Variants in NRG1 observed in about 807,000 individuals in gnomAD.
NRG1 encodes the protein neuregulin 1.
Under a neutral mutation model 63.8 loss-of-function variants are expected in NRG1, and 18 were observed. The observed-to-expected ratio is 0.28, with a 90% confidence interval of 0.19 to 0.42. The LOEUF (loss-of-function observed/expected upper bound fraction) is 0.42, where lower values mean the gene tolerates loss of function less well. Ranked by LOEUF, NRG1 falls within the 10% of genes least tolerant of loss-of-function variation. The pLI is 1.00. For missense variants in NRG1, 762 were observed against 814.7 expected, an observed-to-expected ratio of 0.94 and a Z score of 0.79; for synonymous variants, 302 against 301.3, an observed-to-expected ratio of 1.00 and a Z score of -0.02.
chr8:32,318,592 T>A (rs1801029736), intron 1 of NRG1, among the ~76,000 whole-genome samples: 1 of 152,212 alleles, frequency 6.6e-6, no homozygotes, highest in Non-Finnish European at 1.5e-5. Flanking sequence ...CTGCTTTGAG[T>A]TACAGCATTT....
At chr8:32,671,785 T>C (rs1805696794) in intron 5 of NRG1, among the ~76,000 whole-genome samples, 2 of 152,216 alleles carry the variant, frequency 1.3e-5, no homozygotes, top group Admixed American at 1.3e-4. Context: ...TGTGCTTTCA[T>C]TTAAACAACA....
At chr8:31,819,564 C>T (rs1178183610) in intron 1 of NRG1, among the ~76,000 whole-genome samples, 1 of 152,114 alleles carries the variant, frequency 6.6e-6, no homozygotes, top group Non-Finnish European at 1.5e-5. Context: ...TTCATATTTT[C>T]AACCCCCTAC....
At chr8:32,101,430 G>C (rs999031468) in intron 1 of NRG1, among the ~76,000 whole-genome samples, 1 of 150,802 alleles carries the variant, frequency 6.6e-6, no homozygotes, top group Non-Finnish European at 1.5e-5. Context: ...TAAAGAACGA[G>C]AAGGAGGCCA....
intron 1 of NRG1, among the ~76,000 whole-genome samples, chr8:31,754,354 C>T (rs902578160): frequency 6.6e-6 from 1 of 152,202 alleles, no homozygotes; most frequent in South Asian, 2.1e-4. Flanking sequence ...AGTGAGTTCT[C>T]CTGAGATCTA....
At chr8:32,192,974 G>GT (rs1468305517) in intron 1 of NRG1, among the ~76,000 whole-genome samples, 1 of 152,020 alleles carries the variant, frequency 6.6e-6, no homozygotes, top group African/African-American at 2.4e-5. Context: ...GCTCAACGGG[G>GT]AGGAATTGTT....
chr8:32,441,661 C>G (rs970769534), intron 1 of NRG1, among the ~76,000 whole-genome samples: 10 of 152,102 alleles, frequency 6.6e-5, no homozygotes, highest in South Asian at 4.1e-4. Flanking sequence ...AATATCTAGA[C>G]AATTTCTCTG....
chr8:32,592,362 C>T (rs190368520), intron 1 of NRG1, among the ~76,000 whole-genome samples: 2 of 152,102 alleles, frequency 1.3e-5, no homozygotes, highest in Admixed American at 1.3e-4. Flanking sequence ...CTCTTTTTCC[C>T]TTGGAGCAGG....
chr8:31,761,115 T>C (rs1431968069), intron 1 of NRG1, among the ~76,000 whole-genome samples: 2 of 152,178 alleles, frequency 1.3e-5, no homozygotes, highest in Non-Finnish European at 2.9e-5. Flanking sequence ...TGGAATACTA[T>C]GCAGCCATAA....
At chr8:31,756,909 A>G (rs946495005) in intron 1 of NRG1, among the ~76,000 whole-genome samples, 5 of 152,126 alleles carry the variant, frequency 3.3e-5, no homozygotes, top group Admixed American at 2.0e-4. Flanking sequence ...TTTAGCAAAC[A>G]TTGAGGTTTC....
At chr8:32,566,906 T>G (rs1421370727) in intron 1 of NRG1, among the ~76,000 whole-genome samples, 1 of 152,214 alleles carries the variant, frequency 6.6e-6, no homozygotes, top group African/African-American at 2.4e-5. Context: ...CAGGCTGAAA[T>G]GCAGTGGCGC....
Position 32,756,487 on chromosome 8 carries a change from TCA to T in NRG1, c.881_882del (p.His294ProfsTer3). On this transcript the variant is annotated frameshift_variant, in exon 9 of 12. Coordinates refer to ENST00000356819, the Ensembl canonical transcript of NRG1. LOFTEE classifies it high-confidence loss of function. ...ATATGATGAACATTGCCAATGGGCCTCACCATCCTAACCCACCCCCCGAGAAT... is the reference window on the plus strand; with the variant it reads ...ATATGATGAACATTGCCAATGGGCCTCCATCCTAACCCACCCCCCGAGAAT... 6.2e-7 allele frequency: 1 copy of T among 1,613,692 alleles called. No homozygotes were observed. Among genetic ancestry groups the T allele is most frequent in the African/African-American group, 1.3e-5 (1 of 75,024 alleles).
chr8:32,654,166 G>A (rs982149087), intron 5 of NRG1, among the ~76,000 whole-genome samples: 8 of 152,136 alleles, frequency 5.3e-5, no homozygotes, highest in African/African-American at 1.9e-4. Flanking sequence ...TAAAACTGAA[G>A]TCATCCTTAC....
intron 1 of NRG1, among the ~76,000 whole-genome samples, chr8:32,300,229 C>T (rs1195046321): frequency 2.0e-5 from 3 of 151,812 alleles, no homozygotes; most frequent in East Asian, 1.9e-4. Context: ...ACTCTGAGAT[C>T]GTTAACACTT....
At chr8:32,758,408 C>T (rs1238894134) in intron 9 of NRG1, among the ~76,000 whole-genome samples, 1 of 151,812 alleles carries the variant, frequency 6.6e-6, no homozygotes, top group Admixed American at 6.6e-5. Flanking sequence ...GAAACCCCAT[C>T]TCTGCTAAAA....
chr8:32,615,757 T>G (rs930757464), intron 4 of NRG1, among the ~76,000 whole-genome samples: 4 of 152,030 alleles, frequency 2.6e-5, no homozygotes, highest in Non-Finnish European at 4.4e-5. Context: ...TAGGACATAT[T>G]CATATGTCAT....
chr8:31,912,374 C>T (rs1833016514), intron 1 of NRG1, among the ~76,000 whole-genome samples: 1 of 151,964 alleles, frequency 6.6e-6, no homozygotes, highest in South Asian at 2.1e-4. Flanking sequence ...AGCTTAGGCA[C>T]AGGAGCAGAT....
At chr8:31,951,527 G>A (rs1478592564) in intron 1 of NRG1, among the ~76,000 whole-genome samples, 1 of 152,188 alleles carries the variant, frequency 6.6e-6, no homozygotes, top group Non-Finnish European at 1.5e-5. Context: ...TGACACTGAG[G>A]TCTCAGAAGA....
At chr8:31,819,337 T>C (rs1823782175) in intron 1 of NRG1, among the ~76,000 whole-genome samples, 1 of 152,210 alleles carries the variant, frequency 6.6e-6, no homozygotes, top group Non-Finnish European at 1.5e-5. Context: ...CATTGTTACA[T>C]GTTTTAAGAA....
chr8:31,779,709 T>C (rs917640738), intron 1 of NRG1, among the ~76,000 whole-genome samples: 1 of 152,148 alleles, frequency 6.6e-6, no homozygotes, highest in Non-Finnish European at 1.5e-5. Context: ...AAATAGAAGC[T>C]GATAAGGAGC....
Sources: allele counts gnomAD v4.1 joint callset (sites outside exome capture counted in the v4.1 genomes callset), GRCh38; gene constraint gnomAD v4.1.1; transcripts MANE v1.5; gene names NCBI Gene and HGNC (gene_info 2026-07-23, HGNC 2026-07-21).